Variants in POMT1 observed in about 807,000 individuals in gnomAD.
The protein encoded by POMT1 is protein O-mannosyl-transferase 1.
Under a neutral mutation model 101.6 loss-of-function variants are expected in POMT1, and 85 were observed. That is an observed-to-expected ratio of 0.84 (90% CI 0.70 to 1.00). The LOEUF is 1.00. POMT1 is among the 50% of genes least tolerant of loss of function. The pLI, the probability that POMT1 is intolerant of heterozygous loss-of-function variation, is 0.00. For synonymous variants in POMT1, 371 were observed against 383.0 expected, an observed-to-expected ratio of 0.97 and a Z score of 0.37; for missense variants, 857 against 930.4, an observed-to-expected ratio of 0.92 and a Z score of 1.03.
intron 17 of POMT1, chr9:131,521,138 C>T (rs952564418): frequency 2.2e-5 from 14 of 646,380 alleles, no homozygotes; most frequent in African/African-American, 5.4e-5. Context: ...CCACCACACC[C>T]GGCTGGCATC....
chr9:131,520,973 C>T, intron 17 of POMT1: 1 of 342,398 alleles, frequency 2.9e-6, no homozygotes, highest in Non-Finnish European at 5.7e-6. Flanking sequence ...CTCCAAGTAG[C>T]TGGTATTACA....
At position 131,503,759 on chromosome 9, in the gene POMT1, G is replaced by C. The variant is rs1170824400; in HGVS notation, c.-30-430G>C. On this transcript the variant is annotated intron_variant, in intron 1 of 19. Transcript: ENST00000402686. The surrounding 1 kb of genome is among the most constrained non-coding windows in gnomAD (Gnocchi z 4.4). The stretch of plus-strand genomic sequence containing the variant: ...AGATGCATCCTTGAGGAGAGATGAG[G>C]AGGCCCCGAGGCTCGGCCAGGTTGG... Among the ~76,000 whole-genome samples, 2 of 152,162 alleles carry C rather than the reference G, an allele frequency of 1.3e-5. No homozygotes were observed. The highest frequency in any genetic ancestry group is 4.8e-5 in the African/African-American group (2 of 41,432).
At chr9:131,506,487 C>G (rs144305611) in intron 4 of POMT1, 34 bp downstream of exon 4, 1 of 1,573,082 alleles carries the variant, frequency 6.4e-7, no homozygotes, top group South Asian at 1.1e-5. Flanking sequence ...TTTTAATGTG[C>G]GCAGGTTAGA....
Position 131,503,243 on chromosome 9 carries a change from G to T in POMT1, c.-31+170G>T, listed in dbSNP as rs1050494901. On this transcript the variant is annotated intron_variant, in intron 1 of 19. Transcript: ENST00000402686. The surrounding 1 kb of genome is among the most constrained non-coding windows in gnomAD (Gnocchi z 4.4). ...GCAGATGCGGCGTTCGGGCGGCCGA[G>T]CCCCGAAGTAAGAACTCCGTGGCGC... 6.6e-6 allele frequency: 1 copy of T among 152,416 alleles called. No individual in the cohort carries two copies. The highest frequency in any genetic ancestry group is 1.5e-5 in the Non-Finnish European group (1 of 68,202). 9.4% of individuals were successfully genotyped at this position (152,416 alleles called of 1,614,324 possible). A position where few individuals can be genotyped will look rare whatever the true frequency, so the allele number is the denominator to read the frequency against.
At position 131,522,815 on chromosome 9, in the gene POMT1, AAGGCAGAACCCC is replaced by A; in HGVS notation, c.2004-112_2004-101del. 8.9e-7 allele frequency: 1 copy of A among 1,122,568 alleles called. No homozygotes were observed. The highest frequency in any genetic ancestry group is 1.3e-6 in the Non-Finnish European group (1 of 773,320). 69.5% of individuals were successfully genotyped at this position (1,122,568 alleles called of 1,614,324 possible). On this transcript the variant is annotated intron_variant, in intron 19 of 19. Transcript: ENST00000402686. This position sits in a 1 kb window ranked among gnomAD's most constrained non-coding sequence, Gnocchi z 5.5. Reference sequence around the variant, plus strand: ...GCAGGAGACAAGACACAGAAACCTGAAGGCAGAACCCCAGGCCTCGGGGGGTGACCGTGTGGA... The same window carrying A: ...GCAGGAGACAAGACACAGAAACCTGAAGGCCTCGGGGGGTGACCGTGTGGA...
rs1344769832 is a variant in POMT1, at chr9:131,513,448, A to C, written c.1175+117A>C. 5 of 945,670 alleles carry C rather than the reference A, an allele frequency of 5.3e-6. No homozygotes were observed. In the African/African-American group the frequency reaches 8.1e-5, roughly 15 times the overall value. The allele number at this position is 945,670 out of a possible 1,614,324, so 58.6% of individuals were successfully genotyped here. A position where few individuals can be genotyped will look rare whatever the true frequency, so the allele number is the denominator to read the frequency against. ...TGCCCCCTGTCTACCCATCATCTGC[A>C]TGTGTAGCAGCTCTTAGACCTACAT... On this transcript the variant is annotated intron_variant, in intron 12 of 19. Transcript: ENST00000402686.
At chr9:131,521,183 C>G (rs1272066310) in intron 17 of POMT1, 163 bp from the exon 18 acceptor site, 28 of 942,266 alleles carry the variant, frequency 3.0e-5, no homozygotes, top group Non-Finnish European at 4.0e-5. Flanking sequence ...TAGGAGCAGA[C>G]CTGTCCACAG....
Position 131,523,011 on chromosome 9 carries a change from C to T in POMT1, c.2083C>T (p.Arg695Cys), listed in dbSNP as rs200179598. 50 of 1,609,624 alleles carry T rather than the reference C, an allele frequency of 3.1e-5. No homozygotes were observed. The highest frequency in any genetic ancestry group is 1.5e-4 in the Admixed American group (9 of 59,850). ...SSACHVSNTL[R>C]PLTYGDKSLS... ...CGCGTGCCACGTGTCCAACACGCTG[C>T]GCCCACTCACCTACGGGGACAAGTC... Residue 695 changes from arginine (R) to cysteine (C), a missense_variant, in exon 20 of 20, where the codon CGC becomes TGC. Coordinates refer to ENST00000402686, the MANE Select transcript of POMT1 (RefSeq NM_001077365.2).
At chr9:131,505,041 G>T (rs1342883980) in intron 2 of POMT1, among the ~76,000 whole-genome samples, 1 of 151,902 alleles carries the variant, frequency 6.6e-6, no homozygotes, top group Non-Finnish European at 1.5e-5. Context: ...CTCCCAAAGT[G>T]TTAGGATTAC....
Position 131,513,273 on chromosome 9 carries a change from G to C in POMT1, c.1117G>C (p.Val373Leu), listed in dbSNP as rs200508760. Residue 373 changes from valine (V) to leucine (L), a missense_variant, in exon 12 of 20, where the codon GTG becomes CTG. Physicochemically the swap from Val to Leu is conservative, Grantham distance 32. Transcript: ENST00000402686. The part of the protein sequence containing the change: ...QLVVSSPPRP[V>L]RHGDMVQLVH... ...GGTGGTGAGCAGCCCTCCGAGACCT[G>C]TGAGGCACGGGGACATGGTGCAGCT... 1.1e-4 allele frequency: 172 copies of C among 1,612,992 alleles called. 1 individual carries two copies. Among genetic ancestry groups the C allele is most frequent in the Admixed American group, 3.5e-4 (21 of 59,998 alleles).
Position 131,521,173 on chromosome 9 carries a change from T to C in POMT1, c.1699-173T>C, listed in dbSNP as rs932717885. 4 of 843,144 alleles carry C rather than the reference T, an allele frequency of 4.7e-6. 1 individual carries two copies. In the South Asian group the frequency reaches 5.8e-5, roughly 12 times the overall value. 52.2% of individuals were successfully genotyped at this position (843,144 alleles called of 1,614,324 possible). The stretch of plus-strand genomic sequence containing the variant: ...CAGTGCTTTTAATGAAAGGTCTGAG[T>C]AGGAGCAGACCTGTCCACAGTAGTA... On this transcript the variant is annotated intron_variant, in intron 17 of 19. Coordinates refer to ENST00000402686, the MANE Select transcript of POMT1 (RefSeq NM_001077365.2).
rs1308253347 is a variant in POMT1 at position 131,509,769 on chromosome 9, G to C, written c.566G>C (p.Trp189Ser). Residue 189 changes from tryptophan (W) to serine (S), a missense_variant, in exon 7 of 20, where the codon TGG becomes TCG. Transcript: ENST00000402686. ...CCTTTTTCTCTGAGCTGGTGGTTCT[G>C]GCTAACACTGACAGGGGTCGCTTGT... ...HSPFSLSWWFWLTLTGVACSC... is the reference protein window; with the variant it reads ...HSPFSLSWWFSLTLTGVACSC... 1 of 1,614,212 alleles carries C rather than the reference G, an allele frequency of 6.2e-7. No individual in the cohort carries two copies. Among genetic ancestry groups the C allele is most frequent in the South Asian group, 1.1e-5 (1 of 91,086 alleles).
In POMT1 at chr9:131,519,561, C is replaced by T; in HGVS notation, c.1584+75C>T. ...TCAGCAGGGAGGCCTGGGGGCTGCA[C>T]AGGACTCAAACCAGAGTCAGGCTTT... is the stretch of plus-strand genomic sequence containing the variant. On this transcript the variant is annotated intron_variant, in intron 16 of 19. Transcript: ENST00000402686. The surrounding 1 kb of genome is among the most constrained non-coding windows in gnomAD (Gnocchi z 4.3). 1 of 1,411,878 alleles carries T rather than the reference C, an allele frequency of 7.1e-7. No homozygotes were observed. The highest frequency in any genetic ancestry group is 9.7e-7 in the Non-Finnish European group (1 of 1,031,632). The allele number at this position is 1,411,878 out of a possible 1,614,324, so 87.5% of individuals were successfully genotyped here.
At chr9:131,504,747 A>ATATGTG (rs56692415) in intron 2 of POMT1, among the ~76,000 whole-genome samples, 33,193 of 122,210 alleles carry the variant, frequency 0.27, 4,828 homozygotes, top group Non-Finnish European at 0.34. Context: ...TAACTGATTA[A>ATATGTG]TGTGTGTATG....
Position 131,519,504 on chromosome 9 carries a change from G to A in POMT1, c.1584+18G>A, listed in dbSNP as rs1433687642. The A allele has an allele frequency of 2.6e-6, 4 of 1,547,984 alleles. No homozygotes were observed. Among genetic ancestry groups the A allele is most frequent in the Non-Finnish European group, 3.5e-6 (4 of 1,146,612 alleles). Reference sequence around the variant, plus strand: ...AGCTGCAGGTGAGGAGCGGCCAGGGGAAGCTGGCCTAGCTCGCTGAGCATT... The same window carrying A: ...AGCTGCAGGTGAGGAGCGGCCAGGGAAAGCTGGCCTAGCTCGCTGAGCATT... On this transcript the variant is annotated intron_variant, in intron 16 of 19. Transcript: ENST00000402686. The surrounding 1 kb of genome is among the most constrained non-coding windows in gnomAD (Gnocchi z 4.3).
In POMT1 at chr9:131,503,261, C is replaced by T. The variant is rs1944961899; in HGVS notation, c.-31+188C>T. The T allele has an allele frequency of 1.3e-5, 2 of 152,424 alleles. No homozygotes were observed. The highest frequency in any genetic ancestry group is 2.1e-4 in the South Asian group (1 of 4,828). The allele number at this position is 152,424 out of a possible 1,614,324, so 9.4% of individuals were successfully genotyped here. ...CGGCCGAGCCCCGAAGTAAGAACTC[C>T]GTGGCGCGTGCAGCCCTAGGGAGGA... On this transcript the variant is annotated intron_variant, in intron 1 of 19. Coordinates refer to ENST00000402686, the MANE Select transcript of POMT1 (RefSeq NM_001077365.2). This position sits in a 1 kb window ranked among gnomAD's most constrained non-coding sequence, Gnocchi z 4.4.
intron 2 of POMT1, among the ~76,000 whole-genome samples, chr9:131,505,297 A>ATTTTT (rs34623621): frequency 2.2e-5 from 3 of 137,512 alleles, no homozygotes; most frequent in South Asian, 2.3e-4. Context: ...AAAGATGAGG[A>ATTTTT]TTTTTTTTTT....
chr9:131,521,079 G>A, intron 17 of POMT1: 1 of 477,954 alleles, frequency 2.1e-6, no homozygotes, highest in Non-Finnish European at 3.9e-6. Flanking sequence ...CTGACTTCAG[G>A]TGATCTGCCC....
chr9:131,507,866 G>A (rs1234521743), intron 5 of POMT1, among the ~76,000 whole-genome samples: 1 of 152,168 alleles, frequency 6.6e-6, no homozygotes, highest in South Asian at 2.1e-4. Flanking sequence ...AGATGGACTC[G>A]TGAGTCAGTG....
Sources: gnomAD v4.1 joint callset for allele counts (sites outside exome capture counted in the v4.1 genomes callset) on GRCh38, gnomAD v4.1.1 for gene constraint, Gnocchi (gnomAD v3.1) non-coding constraint, MANE v1.5 for transcripts, NCBI Gene and HGNC (gene_info 2026-07-23, HGNC 2026-07-21) for gene names.